RP1: variants seen among roughly 807,000 people sequenced by gnomAD.
The protein encoded by RP1 is oxygen-regulated protein 1.
RP1 carries 16 observed loss-of-function variants against 14.8 expected under a neutral mutation model. That is an observed-to-expected ratio of 1.08 (90% CI 0.73 to 1.65). The LOEUF is 1.65. Ranked by LOEUF, RP1 falls within the 40% of genes most tolerant of loss-of-function variation. RP1 has a pLI of 0.00. For synonymous variants in RP1, 876 were observed against 883.6 expected (o/e 0.99, Z 0.15); for missense variants, 2,631 against 2,535.0 (o/e 1.04, Z -0.81).
chr8:54,640,105 T>C (rs1806426872), intron 3 of RP1, among the ~76,000 whole-genome samples: 1 of 151,536 alleles, frequency 6.6e-6, no homozygotes, highest in East Asian at 1.9e-4. Context: ...ATTTGTCCCA[T>C]TTTGAGCTTT....
At chr8:54,764,556 T>C (rs1809717453) in intron 22 of RP1, among the ~76,000 whole-genome samples, 1 of 152,248 alleles carries the variant, frequency 6.6e-6, no homozygotes, top group South Asian at 2.1e-4. Context: ...GTTATATGTG[T>C]GTGTTTATGT....
intron 17 of RP1, among the ~76,000 whole-genome samples, chr8:54,732,759 G>A (rs953330040): frequency 6.6e-6 from 1 of 152,124 alleles, no homozygotes; most frequent in African/African-American, 2.4e-5. Context: ...GTGGCCAAAT[G>A]TTCACATGTA....
intron 15 of RP1, among the ~76,000 whole-genome samples, chr8:54,719,020 G>T (rs777333940): frequency 5.9e-4 from 90 of 152,234 alleles, no homozygotes; most frequent in Admixed American, 9.2e-4. Context: ...GGAATCTCAG[G>T]AAACAACACA....
intron 24 of RP1, among the ~76,000 whole-genome samples, chr8:54,827,752 G>C (rs1459745152): frequency 6.6e-6 from 1 of 152,092 alleles, no homozygotes; most frequent in Admixed American, 6.5e-5. Flanking sequence ...ACAAAAATTA[G>C]CCAGGCGTGG....
At chr8:54,716,128 T>C (rs1808397855) in intron 15 of RP1, among the ~76,000 whole-genome samples, 1 of 152,300 alleles carries the variant, frequency 6.6e-6, no homozygotes, top group South Asian at 2.1e-4. Context: ...GCTAGTTTAT[T>C]GAGAACCGGA....
At chr8:54,745,110 A>G (rs1055664460) in intron 19 of RP1, among the ~76,000 whole-genome samples, 6 of 152,232 alleles carry the variant, frequency 3.9e-5, no homozygotes, top group Non-Finnish European at 1.5e-5. Flanking sequence ...GCATGCCAAC[A>G]TGACTAAGAT....
At position 54,625,783 on chromosome 8, in the gene RP1, C is replaced by T. The variant is rs1372688692; in HGVS notation, c.1901C>T (p.Ala634Val). The change falls in exon 4 of 4, where the codon GCA (alanine) becomes GTA (valine). Residue 634 changes from alanine to valine, a missense_variant. Ala to Val is a moderately conservative substitution (Grantham distance 64). Transcript: ENST00000220676. ...KNISEAPASE[A>V]SSTVTARIDR... ...ATTTCTGAGGCTCCAGCTTCAGAAG[C>T]ATCCTCTACTGTCACTGCAAGAATT... The T allele has an allele frequency of 1.9e-6, 3 of 1,613,522 alleles. No homozygotes were observed.
intron 24 of RP1, among the ~76,000 whole-genome samples, chr8:54,792,041 T>G (rs1008709778): frequency 1.3e-5 from 2 of 152,086 alleles, no homozygotes. Flanking sequence ...TAATCAAATG[T>G]GGGCACGAGT....
intron 27 of RP1, among the ~76,000 whole-genome samples, chr8:54,862,003 G>A (rs1395407291): frequency 1.3e-5 from 2 of 152,146 alleles, no homozygotes; most frequent in African/African-American, 2.4e-5. Flanking sequence ...AATGTCTGGA[G>A]GCTGTTTTGG....
intron 15 of RP1, among the ~76,000 whole-genome samples, chr8:54,714,111 A>G (rs1246428332): frequency 1.3e-5 from 2 of 152,140 alleles, no homozygotes; most frequent in Non-Finnish European, 2.9e-5. Flanking sequence ...TTTTTAGTAG[A>G]TACGGGGTTT....
chr8:54,866,517 A>C (rs1410442737), intron 28 of RP1, among the ~76,000 whole-genome samples: 1 of 152,226 alleles, frequency 6.6e-6, no homozygotes, highest in African/African-American at 2.4e-5. Flanking sequence ...TTCTCTACCT[A>C]CTTTATAGAG....
chr8:54,606,540 G>T (rs1426991282), intron 1 of RP1, among the ~76,000 whole-genome samples: 2 of 152,114 alleles, frequency 1.3e-5, no homozygotes, highest in East Asian at 3.8e-4. Context: ...CTCTTCTCGA[G>T]GAGTATCTTT....
chr8:54,840,614 G>C lies in RP1; in HGVS notation c.3835+2945G>C, dbSNP rs1811769216. ...ATGCAAAAAAAAAAAAAATGTGGAA[G>C]GCAGTTGTGTTTTTTTTTTTTAATT... is the stretch of plus-strand genomic sequence containing the variant. On this transcript the variant is annotated intron_variant, in intron 25 of 28. Coordinates refer to the RP1 transcript ENST00000637698. Among the ~76,000 whole-genome samples, 3 of 120,816 alleles carry C rather than the reference G, an allele frequency of 2.5e-5. No individual in the cohort carries two copies. In the South Asian group the frequency reaches 8.9e-4, roughly 36 times the overall value. The allele number at this position is 120,816 out of a possible 152,430, so 79.3% of individuals were successfully genotyped here.
intron 25 of RP1, among the ~76,000 whole-genome samples, chr8:54,846,379 T>C (rs16920830): frequency 0.058 from 8,846 of 152,238 alleles, 822 homozygotes; most frequent in African/African-American, 0.2. Context: ...ATATAACCTT[T>C]TTCCTTCTCC....
At chr8:54,771,140 T>G (rs920130250), downstream of RP1, among the ~76,000 whole-genome samples, 2 of 152,064 alleles carry the variant, frequency 1.3e-5, no homozygotes, top group Non-Finnish European at 2.9e-5. Flanking sequence ...TGTTTCAGCT[T>G]AGTTTTTGTT....
Position 54,746,751 on chromosome 8 carries a change from A to C in RP1, c.2808+7722A>C, listed in dbSNP as rs143674864. Among the ~76,000 whole-genome samples the C allele has an allele frequency of 2.2e-3, 336 of 152,310 alleles. 2 individuals are homozygous for C. The highest frequency in any genetic ancestry group is 5.8e-3 in the African/African-American group (242 of 41,578). On this transcript the variant is annotated intron_variant, in intron 19 of 22. Transcript: ENST00000636932. Reference sequence around the variant, plus strand: ...AAGTCAAAAGACTTGAAAGATGTTTAATTTCTAAAAAGTTAAAAAATCACT... The same window carrying C: ...AAGTCAAAAGACTTGAAAGATGTTTCATTTCTAAAAAGTTAAAAAATCACT...
At chr8:54,674,199 T>G (rs74639049) in intron 8 of RP1, among the ~76,000 whole-genome samples, 5,639 of 152,128 alleles carry the variant, frequency 0.037, 228 homozygotes, top group African/African-American at 0.093. Flanking sequence ...AGATTGGGGA[T>G]TTATATGTTG....
At chr8:54,863,073 A>ATATATATATG (rs1554541303) in intron 27 of RP1, among the ~76,000 whole-genome samples, 1 of 146,170 alleles carries the variant, frequency 6.8e-6, no homozygotes, top group Non-Finnish European at 1.5e-5. Flanking sequence ...ATATATATAT[A>ATATATATATG]TATATGCAGA....
intron 1 of RP1, among the ~76,000 whole-genome samples, chr8:54,602,629 T>C (rs1360679446): frequency 6.6e-6 from 1 of 152,238 alleles, no homozygotes; most frequent in African/African-American, 2.4e-5. Flanking sequence ...TCCACAATGG[T>C]TGAACCAGTT....
Sources: gnomAD v4.1 joint callset for allele counts (sites outside exome capture counted in the v4.1 genomes callset) on GRCh38, gnomAD v4.1.1 for gene constraint, MANE v1.5 for transcripts, NCBI Gene and HGNC (gene_info 2026-07-23, HGNC 2026-07-21) for gene names.